CTNNA3: variants seen among roughly 807,000 people sequenced by gnomAD.
The protein encoded by CTNNA3 is catenin alpha 3.
In CTNNA3, 76 loss-of-function variants were observed where a neutral mutation model predicts 95.7. The observed-to-expected ratio is 0.79, with a 90% confidence interval of 0.66 to 0.96. The LOEUF (loss-of-function observed/expected upper bound fraction) is 0.96. Among genes scored for constraint, CTNNA3 ranks in the 40% least tolerant of loss-of-function variants. The pLI is 0.00. For missense variants in CTNNA3, 1,191 were observed against 1,089.8 expected, an observed-to-expected ratio of 1.09 and a Z score of -1.31; for synonymous variants, 431 against 374.4, an observed-to-expected ratio of 1.15 and a Z score of -1.74.
chr10:66,106,554 G>T (rs543374443), intron 13 of CTNNA3, among the ~76,000 whole-genome samples: 115 of 152,122 alleles, frequency 7.6e-4, no homozygotes, highest in South Asian at 5.6e-3. Context: ...ATAAAATTCG[G>T]ATAATAATAC....
rs930723459 is a variant in CTNNA3, at chr10:66,514,814, A to G, written c.1531+5803T>C. Among the ~76,000 whole-genome samples, 14 of 152,296 alleles carry G rather than the reference A, an allele frequency of 9.2e-5. 1 individual carries two copies. Among genetic ancestry groups the G allele is most frequent in the Admixed American group, 5.9e-4 (9 of 15,304 alleles). On this transcript the variant is annotated intron_variant, in intron 11 of 17. Transcript: ENST00000433211. Reference sequence around the variant, plus strand: ...ATAGTTCTTATGGTCCAAATCATTCATCCCTTCTATCAAAGTTTGTAGCTC... The same window carrying G: ...ATAGTTCTTATGGTCCAAATCATTCGTCCCTTCTATCAAAGTTTGTAGCTC...
intron 7 of CTNNA3, among the ~76,000 whole-genome samples, chr10:66,796,667 C>T (rs549659944): frequency 5.3e-5 from 8 of 152,122 alleles, no homozygotes; most frequent in African/African-American, 9.6e-5. Flanking sequence ...TAAAGTGAAA[C>T]TCAATATAAG....
intron 15 of CTNNA3, among the ~76,000 whole-genome samples, chr10:66,063,534 C>T (rs1298872765): frequency 6.6e-6 from 1 of 151,418 alleles, no homozygotes; most frequent in South Asian, 2.1e-4. Context: ...CTTCCTCTTT[C>T]CCATGGTTCC....
chr10:66,316,944 A>G (rs1470504275), intron 12 of CTNNA3, among the ~76,000 whole-genome samples: 2 of 152,122 alleles, frequency 1.3e-5, no homozygotes, highest in East Asian at 3.9e-4. Flanking sequence ...TTACTTAAAA[A>G]GAATTGAATA....
intron 12 of CTNNA3, among the ~76,000 whole-genome samples, chr10:66,291,631 T>C (rs2091682070): frequency 6.6e-6 from 1 of 152,142 alleles, no homozygotes; most frequent in Non-Finnish European, 1.5e-5. Context: ...CCATATTGTA[T>C]TAAAGAAGGA....
At chr10:67,119,568 A>T (rs2131989331) in intron 7 of CTNNA3, among the ~76,000 whole-genome samples, 1 of 152,100 alleles carries the variant, frequency 6.6e-6, no homozygotes, top group South Asian at 2.1e-4. Context: ...ATAAAATTAC[A>T]ACTTGGAGAA....
intron 11 of CTNNA3, among the ~76,000 whole-genome samples, chr10:66,491,859 C>A (rs1431343492): frequency 4.6e-5 from 7 of 152,100 alleles, no homozygotes; most frequent in African/African-American, 1.7e-4. Context: ...GTCATAAGTA[C>A]CATTAGTGGC....
intron 7 of CTNNA3, among the ~76,000 whole-genome samples, chr10:66,866,782 A>G (rs1206948951): frequency 6.6e-6 from 1 of 152,154 alleles, no homozygotes; most frequent in Non-Finnish European, 1.5e-5. Context: ...AAGGAAAAAT[A>G]AAAAAAGAAA....
At chr10:66,845,703 C>CAAAAAAAAAAAAAAAAAAAAAAA (rs61085873) in intron 7 of CTNNA3, among the ~76,000 whole-genome samples, 1 of 23,536 alleles carries the variant, frequency 4.2e-5, no homozygotes, top group African/African-American at 1.0e-4. Flanking sequence ...AACTCTGTCT[C>CAAAAAAAAAAAAAAAAAAAAAAA]AAAAAAAAAA....
intron 7 of CTNNA3, among the ~76,000 whole-genome samples, chr10:67,105,174 C>T (rs1474746884): frequency 1.3e-5 from 2 of 151,664 alleles, no homozygotes; most frequent in East Asian, 3.9e-4. Context: ...ATCATAAAGG[C>T]TAATGTGGAT....
chr10:67,595,228 A>G (rs559385396), intron 3 of CTNNA3, among the ~76,000 whole-genome samples: 1 of 152,200 alleles, frequency 6.6e-6, no homozygotes, highest in South Asian at 2.1e-4. Flanking sequence ...TAAAATTTAG[A>G]CTGTCAATTT....
intron 13 of CTNNA3, among the ~76,000 whole-genome samples, chr10:66,213,777 C>A (rs2088329956): frequency 6.6e-6 from 1 of 152,146 alleles, no homozygotes. Flanking sequence ...TCTCAATTCA[C>A]ATTAATGCGT....
At chr10:67,515,123 G>C (rs1163834394) in intron 5 of CTNNA3, among the ~76,000 whole-genome samples, 1 of 152,108 alleles carries the variant, frequency 6.6e-6, no homozygotes, top group African/African-American at 2.4e-5. Context: ...TGTATAATAT[G>C]CATCATTTTC....
At chr10:66,845,725 A>AAAAAAAAAAC (rs1160996707) in intron 7 of CTNNA3, among the ~76,000 whole-genome samples, 5 of 100,374 alleles carry the variant, frequency 5.0e-5, no homozygotes, top group South Asian at 3.9e-4. Flanking sequence ...AAAAAAAAAA[A>AAAAAAAAAAC]AAAACTAAAA....
At chr10:66,791,060 A>G (rs1213750696) in intron 7 of CTNNA3, among the ~76,000 whole-genome samples, 1 of 152,178 alleles carries the variant, frequency 6.6e-6, no homozygotes, top group Non-Finnish European at 1.5e-5. Flanking sequence ...GTTCAAGTTA[A>G]TGTCCTAGCC....
chr10:66,734,508 A>G (rs1849067290), intron 9 of CTNNA3, among the ~76,000 whole-genome samples: 1 of 152,168 alleles, frequency 6.6e-6, no homozygotes, highest in Admixed American at 6.6e-5. Context: ...TTACATTTAA[A>G]GCCAGAAATG....
chr10:66,360,821 CTTTCTTTCTTTCTT>C (rs2092664999), intron 12 of CTNNA3, among the ~76,000 whole-genome samples: 1 of 53,966 alleles, frequency 1.9e-5, no homozygotes, highest in South Asian at 9.1e-4. Context: ...TCCTTCCTTT[CTTTCTTTCTTTCTT>C]TCTTTCTTTC....
At chr10:67,234,389 T>A (rs11527209) in intron 5 of CTNNA3, among the ~76,000 whole-genome samples, 6,724 of 152,142 alleles carry the variant, frequency 0.044, 203 homozygotes, top group East Asian at 0.14. Flanking sequence ...AATCCAGCAT[T>A]TAAACAGAAG....
At chr10:66,563,441 CT>C (rs1842612252) in intron 10 of CTNNA3, among the ~76,000 whole-genome samples, 1 of 151,968 alleles carries the variant, frequency 6.6e-6, no homozygotes, top group South Asian at 2.1e-4. Flanking sequence ...TTGCAATTCA[CT>C]TAAAAAGATT....
Sources: gnomAD v4.1 joint callset for allele counts (sites outside exome capture counted in the v4.1 genomes callset) on GRCh38, gnomAD v4.1.1 for gene constraint, MANE v1.5 for transcripts, NCBI Gene and HGNC (gene_info 2026-07-23, HGNC 2026-07-21) for gene names.